TSHR: variants seen among roughly 807,000 people sequenced by gnomAD.
TSHR encodes the protein thyroid stimulating hormone receptor.
TSHR carries 51 observed loss-of-function variants against 64.1 expected under a neutral mutation model. The observed-to-expected ratio is 0.80, with a 90% CI of 0.64 to 1.01. The LOEUF (loss-of-function observed/expected upper bound fraction) is 1.01, where lower values mean the gene tolerates loss of function less well. Ranked by LOEUF, TSHR falls within the 50% of genes least tolerant of loss-of-function variation. The pLI, the probability that TSHR is intolerant of heterozygous loss-of-function variation, is 0.00. For missense variants in TSHR, 877 were observed against 942.8 expected (o/e 0.93, Z 0.91); for synonymous variants, 361 against 361.9 (o/e 1.00, Z 0.03).
intron 8 of TSHR, among the ~76,000 whole-genome samples, chr14:81,109,497 C>T (rs935199249): frequency 2.6e-5 from 4 of 151,980 alleles, no homozygotes; most frequent in African/African-American, 7.3e-5. Flanking sequence ...CTGTTAGGGG[C>T]GAGAGGAAAT....
intron 1 of TSHR, chr14:81,051,648 C>A (rs1416666234): frequency 6.6e-6 from 1 of 152,158 alleles, no homozygotes; most frequent in African/African-American, 2.4e-5. Context: ...ATTCACATTT[C>A]CACAACACAG....
chr14:81,036,167 T>C (rs1884614659), intron 1 of TSHR, among the ~76,000 whole-genome samples: 1 of 152,048 alleles, frequency 6.6e-6, no homozygotes, highest in South Asian at 2.1e-4. Flanking sequence ...CACAGAAAGG[T>C]TACTTAAAAA....
intron 1 of TSHR, among the ~76,000 whole-genome samples, chr14:80,968,447 C>A (rs1887429089): frequency 6.6e-6 from 1 of 151,918 alleles, no homozygotes; most frequent in African/African-American, 2.4e-5. Flanking sequence ...CTTCAAGATG[C>A]AGTCCTTGCA....
At chr14:80,998,021 G>C (rs1384388412) in intron 1 of TSHR, among the ~76,000 whole-genome samples, 3 of 152,190 alleles carry the variant, frequency 2.0e-5, no homozygotes, top group South Asian at 4.1e-4. Flanking sequence ...ACAACAGTGA[G>C]AGCTGGAATG....
chr14:81,102,424 A>G (rs1202790610), intron 7 of TSHR, among the ~76,000 whole-genome samples: 1 of 152,204 alleles, frequency 6.6e-6, no homozygotes, highest in African/African-American at 2.4e-5. Flanking sequence ...CTATTTCACA[A>G]TACTTTCTTG....
chr14:81,024,238 GT>G (rs149038035), intron 1 of TSHR, among the ~76,000 whole-genome samples: 5 of 150,262 alleles, frequency 3.3e-5, no homozygotes, highest in South Asian at 2.1e-4. Context: ...TTTAGGCATG[GT>G]TTTTTTTTGT....
chr14:81,109,387 C>T (rs937538326), intron 8 of TSHR, among the ~76,000 whole-genome samples: 43 of 151,664 alleles, frequency 2.8e-4, no homozygotes, highest in African/African-American at 1.0e-3. Context: ...CCAGCCTGGA[C>T]GACAGAGCGA....
chr14:81,092,494 T>C (rs776859401), intron 5 of TSHR, 37 bp from the exon 6 acceptor site: 1 of 1,601,306 alleles, frequency 6.2e-7, no homozygotes, highest in Non-Finnish European at 8.6e-7. Context: ...AAGGAAAGCA[T>C]TTTTTCATTA....
At chr14:81,099,497 G>T (rs146066648) in intron 7 of TSHR, 4 of 152,236 alleles carry the variant, frequency 2.6e-5, no homozygotes, top group Non-Finnish European at 4.4e-5. Context: ...TATTAAAGGC[G>T]CTAAACACAG....
chr14:81,063,915 G>C (rs1265381166), intron 2 of TSHR, among the ~76,000 whole-genome samples: 1 of 152,064 alleles, frequency 6.6e-6, no homozygotes, highest in East Asian at 1.9e-4. Context: ...GAGCAGAAGG[G>C]AAAAGCCTGG....
At chr14:81,023,287 T>C (rs1454920594) in intron 1 of TSHR, among the ~76,000 whole-genome samples, 1 of 152,026 alleles carries the variant, frequency 6.6e-6, no homozygotes, top group Non-Finnish European at 1.5e-5. Flanking sequence ...GTCTCAAGCC[T>C]ACTGGCTTGA....
chr14:81,084,845 C>T (rs1031437702), intron 3 of TSHR, among the ~76,000 whole-genome samples: 3 of 152,190 alleles, frequency 2.0e-5, no homozygotes, highest in African/African-American at 7.2e-5. Context: ...ATTTGAACGC[C>T]TCTTTCACCC....
chr14:81,108,277 C>A (rs890045216), intron 7 of TSHR, 98 bp from the exon 8 acceptor site: 46 of 1,041,130 alleles, frequency 4.4e-5, no homozygotes, highest in Non-Finnish European at 5.7e-5. Flanking sequence ...TCAGTCAATA[C>A]TATGGTCACA....
chr14:80,975,214 C>T (rs922956772), intron 1 of TSHR, among the ~76,000 whole-genome samples: 2 of 152,154 alleles, frequency 1.3e-5, no homozygotes, highest in African/African-American at 4.8e-5. Flanking sequence ...TTTTGAAGAA[C>T]ACAAATGTAT....
intron 3 of TSHR, among the ~76,000 whole-genome samples, chr14:81,082,803 T>G (rs1888004651): frequency 6.6e-6 from 1 of 152,178 alleles, no homozygotes; most frequent in African/African-American, 2.4e-5. Context: ...TCTGAAGTGT[T>G]CTCATCCCCA....
At chr14:80,982,993 G>C (rs1888250586) in intron 1 of TSHR, 1 of 539,336 alleles carries the variant, frequency 1.9e-6, no homozygotes. Flanking sequence ...GTCAACTACT[G>C]ATCCTCTTGT....
At chr14:81,073,037 T>A (rs1246360125) in intron 3 of TSHR, among the ~76,000 whole-genome samples, 2 of 117,126 alleles carry the variant, frequency 1.7e-5, no homozygotes, top group East Asian at 2.1e-4. Context: ...TATATATATA[T>A]ATATATATAT....
intron 1 of TSHR, chr14:81,032,922 T>C (rs1884423562): frequency 5.6e-6 from 2 of 356,410 alleles, no homozygotes; most frequent in South Asian, 5.6e-5. Flanking sequence ...TTCCATGAGC[T>C]GAACAAAGAC....
chr14:80,975,553 A>C (rs1219824898), intron 1 of TSHR, among the ~76,000 whole-genome samples: 1 of 152,166 alleles, frequency 6.6e-6, no homozygotes, highest in Non-Finnish European at 1.5e-5. Context: ...CTAAATGTTC[A>C]TAAGGAGCTT....
Sources: allele counts gnomAD v4.1 joint callset (sites outside exome capture counted in the v4.1 genomes callset), GRCh38; gene constraint gnomAD v4.1.1; transcripts MANE v1.5; gene names NCBI Gene and HGNC (gene_info 2026-07-23, HGNC 2026-07-21).